The following XIRP1 variants were observed in gnomAD, a reference collection of about 807,000 sequenced individuals.
The protein encoded by XIRP1 is xin actin-binding repeat-containing protein 1.
For missense variants in XIRP1, 2,378 were observed against 2,345.4 expected (o/e 1.01, Z -0.29); for synonymous variants, 984 against 947.0 (o/e 1.04, Z -0.72).
Position 39,189,041 on chromosome 3 carries a change from A to C in XIRP1, c.405T>G (p.Phe135Leu). The change falls in exon 2 of 2, where the codon TTT becomes TTG. Residue 135 changes from phenylalanine (F) to leucine (L), a missense_variant. Phe to Leu is a conservative substitution (Grantham distance 22, BLOSUM62 0). Coordinates refer to ENST00000340369, the MANE Select transcript of XIRP1 (RefSeq NM_194293.4). ...TTGGCTCCTGGTCTGTGCTGTTGGC[A>C]AAGGAGCCTTCCTCAAACTTGCGGG... ...ATSRKFEEGS[F>L]ANSTDQEPTR... 6.2e-7 allele frequency: 1 copy of C among 1,614,106 alleles called. No individual in the cohort carries two copies. The highest frequency in any genetic ancestry group is 8.5e-7 in the Non-Finnish European group (1 of 1,180,036).
rs2039922547 is a variant in XIRP1 at position 39,184,381 on chromosome 3, T to C, written c.5065A>G (p.Lys1689Glu). The C allele has an allele frequency of 6.2e-7, 1 of 1,614,154 alleles. No individual in the cohort carries two copies. The highest frequency in any genetic ancestry group is 8.5e-7 in the Non-Finnish European group (1 of 1,180,018). The change falls in exon 2 of 2, where the codon AAG becomes GAG. Residue 1689 changes from lysine to glutamate, a missense_variant. Lys to Glu is a moderately conservative substitution (Grantham distance 56, BLOSUM62 1). Transcript: ENST00000340369. ...TTCACTGAGACATCAGGGTTGCCCTTAAAGCTGGGAGTCTCTAGAGGCTTC... is the reference window on the plus strand; with the variant it reads ...TTCACTGAGACATCAGGGTTGCCCTCAAAGCTGGGAGTCTCTAGAGGCTTC... ...TRKPLETPSF[K>E]GNPDVSVKST...
At position 39,187,740 on chromosome 3, in the gene XIRP1, T is replaced by C; in HGVS notation, c.1706A>G (p.Glu569Gly). Reference protein sequence around the residue: ...LEMIHQREQQERQKEEGKSQG... With the variant: ...LEMIHQREQQGRQKEEGKSQG... ...ACTCTTCCCTTCTTCTTTCTGTCGT[T>C]CCTGCTGCTCCCGTTGGTGGATCAT... The change falls in exon 2 of 2, where the codon GAA becomes GGA. Residue 569 changes from glutamate to glycine, a missense_variant. By Grantham distance (98) the Glu-to-Gly change is moderately conservative. Transcript: ENST00000340369. The C allele has an allele frequency of 6.2e-7, 1 of 1,614,094 alleles. No homozygotes were observed. Among genetic ancestry groups the C allele is most frequent in the Non-Finnish European group, 8.5e-7 (1 of 1,180,036 alleles).
At position 39,187,146 on chromosome 3, in the gene XIRP1, T is replaced by G; in HGVS notation, c.2300A>C (p.Gln767Pro). The G allele has an allele frequency of 6.2e-7, 1 of 1,611,142 alleles. No individual in the cohort carries two copies. The highest frequency in any genetic ancestry group is 8.5e-7 in the Non-Finnish European group (1 of 1,177,556). Residue 767 changes from glutamine to proline, a missense_variant, in exon 2 of 2, where the codon CAG becomes CCG. By Grantham distance (76) the Gln-to-Pro change is moderately conservative. Coordinates refer to ENST00000340369, the MANE Select transcript of XIRP1 (RefSeq NM_194293.4). ...SPSGNRMQES[Q>P]ETAAEGTLRT... ...CAGGGTCCCCTCAGCTGCAGTCTCC[T>G]GGCTCTCTTGCATCCTGTTGCCTGA... is the stretch of plus-strand genomic sequence containing the variant.
In XIRP1 at chr3:39,187,833, G is replaced by T. The variant is rs1051411814; in HGVS notation, c.1613C>A (p.Thr538Asn). Residue 538 changes from threonine to asparagine, a missense_variant, in exon 2 of 2, where the codon ACC becomes AAC. Transcript: ENST00000340369. ...GTCCCCAGCCACCACTTCCTGCCGG[G>T]TGATGCCCCGCACCACGTCGATGGT... ...PSTIDVVRGI[T>N]RQEVVAGDVG... 1 of 1,614,036 alleles carries T rather than the reference G, an allele frequency of 6.2e-7. No homozygotes were observed. The highest frequency in any genetic ancestry group is 1.7e-5 in the Admixed American group (1 of 60,012).
rs748378421 is a variant in XIRP1 at position 39,187,775 on chromosome 3, C to T, written c.1671G>A (p.Gln557=). 6 of 1,613,994 alleles carry T rather than the reference C, an allele frequency of 3.7e-6. No individual in the cohort carries two copies. The South Asian group carries it at 4.4e-5, about 12-fold the overall frequency. Residue 557 remains glutamine, a synonymous_variant, in exon 2 of 2, where the codon CAG becomes CAA. Coordinates refer to ENST00000340369, the MANE Select transcript of XIRP1 (RefSeq NM_194293.4). ...VGTARWLFET[Q]PLEMIHQREQ... is the part of the protein sequence containing the mutation. ...CCCGTTGGTGGATCATCTCCAGGGG[C>T]TGGGTCTCAAAAAGCCACCGAGCTG...
chr3:39,191,936 C>T (rs766913742), intron 1 of XIRP1, among the ~76,000 whole-genome samples: 1 of 152,318 alleles, frequency 6.6e-6, no homozygotes, highest in Non-Finnish European at 1.5e-5. Flanking sequence ...AGCTGGGCTC[C>T]GGCCAGCCCC....
At position 39,187,081 on chromosome 3, in the gene XIRP1, C is replaced by T. The variant is rs760243523; in HGVS notation, c.2365G>A (p.Gly789Ser). 5 of 1,613,520 alleles carry T rather than the reference C, an allele frequency of 3.1e-6. No individual in the cohort carries two copies. Among genetic ancestry groups the T allele is most frequent in the Non-Finnish European group, 3.4e-6 (4 of 1,179,508 alleles). ...GGCCCTCGGGCCTCCATGAGGATGC[C>T]TCCATGGTGCAGGATGCCAGGTGTG... ...HATPGILHHG[G>S]ILMEARGPGE... The change falls in exon 2 of 2, where the codon GGC (glycine) becomes AGC (serine). Residue 789 changes from glycine (G) to serine (S), a missense_variant. Physicochemically the swap from Gly to Ser is moderately conservative, Grantham distance 56. Coordinates refer to ENST00000340369, the MANE Select transcript of XIRP1 (RefSeq NM_194293.4).
At chr3:39,191,722 C>T (rs2040090648) in intron 1 of XIRP1, among the ~76,000 whole-genome samples, 1 of 151,304 alleles carries the variant, frequency 6.6e-6, no homozygotes, top group Non-Finnish European at 1.5e-5. Flanking sequence ...GGGCCAGCCT[C>T]TCAGGATGGT....
Position 39,187,819 on chromosome 3 carries a change from C to T in XIRP1, c.1627G>A (p.Val543Met). The T allele has an allele frequency of 6.2e-7, 1 of 1,614,184 alleles. No homozygotes were observed. Among genetic ancestry groups the T allele is most frequent in the Non-Finnish European group, 8.5e-7 (1 of 1,180,038 alleles). ...CGAGCTGTGCCAACGTCCCCAGCCA[C>T]CACTTCCTGCCGGGTGATGCCCCGC... ...VVRGITRQEV[V>M]AGDVGTARWL... is the part of the protein sequence containing the mutation. Residue 543 changes from valine (V) to methionine (M), a missense_variant, in exon 2 of 2, where the codon GTG becomes ATG. Physicochemically the swap from Val to Met is conservative, Grantham distance 21. Transcript: ENST00000340369.
rs764755807 is a variant in XIRP1, at chr3:39,187,297, C to G, written c.2149G>C (p.Ala717Pro). 2 of 1,588,216 alleles carry G rather than the reference C, an allele frequency of 1.3e-6. No individual in the cohort carries two copies. Among genetic ancestry groups the G allele is most frequent in the Non-Finnish European group, 1.7e-6 (2 of 1,166,386 alleles). ...KKEEQEPRVI[A>P]GSIPAGSVHK... is the part of the protein sequence containing the mutation. ...ACAGAACCCGCGGGGATGGACCCAG[C>G]GATTACCCGGGGCTCCTGTTCTTCC... Residue 717 changes from alanine (A) to proline (P), a missense_variant, in exon 2 of 2, where the codon GCT (alanine) becomes CCT (proline). Ala to Pro is a conservative substitution (Grantham distance 27, BLOSUM62 -1). Coordinates refer to ENST00000340369, the MANE Select transcript of XIRP1 (RefSeq NM_194293.4).
At position 39,188,304 on chromosome 3, in the gene XIRP1, G is replaced by A. The variant is rs1193495359; in HGVS notation, c.1142C>T (p.Thr381Ile). The A allele has an allele frequency of 3.7e-6, 6 of 1,614,080 alleles. No individual in the cohort carries two copies. Among genetic ancestry groups the A allele is most frequent in the East Asian group, 2.2e-5 (1 of 44,898 alleles). The change falls in exon 2 of 2, where the codon ACC becomes ATC. Residue 381 changes from threonine (T) to isoleucine (I), a missense_variant. By Grantham distance (89) the Thr-to-Ile change is moderately conservative. Coordinates refer to ENST00000340369, the MANE Select transcript of XIRP1 (RefSeq NM_194293.4). ...GGGCTTTGTTTCAAATAGCCACAGG[G>A]TGGAGCGGACATCACCAGGGACCAC... is the stretch of plus-strand genomic sequence containing the variant. The part of the protein sequence containing the change: ...EEVVPGDVRS[T>I]LWLFETKPLD...
In XIRP1 at chr3:39,188,258, C is replaced by A. The variant is rs1451650750; in HGVS notation, c.1188G>T (p.Lys396Asn). 2 of 1,614,206 alleles carry A rather than the reference C, an allele frequency of 1.2e-6. No individual in the cohort carries two copies. The highest frequency in any genetic ancestry group is 1.7e-6 in the Non-Finnish European group (2 of 1,180,048). ...ETKPLDAFRD[K>N]VQVGHLQRVD... ...CTCGCTGTAGGTGACCCACTTGGACCTTGTCTCTGAAAGCATCCAGGGGCT... is the reference window on the plus strand; with the variant it reads ...CTCGCTGTAGGTGACCCACTTGGACATTGTCTCTGAAAGCATCCAGGGGCT... Residue 396 changes from lysine to asparagine, a missense_variant, in exon 2 of 2, where the codon AAG (lysine) becomes AAT (asparagine). Lys to Asn is a moderately conservative substitution (Grantham distance 94). Coordinates refer to ENST00000340369, the MANE Select transcript of XIRP1 (RefSeq NM_194293.4).
Position 39,189,459 on chromosome 3 carries a change from A to C in XIRP1, c.-14T>G. ...GGTGTCGGCCATCCTTCTGAGAAGAAGGGGCAGAGATGAGGATGGGATTGG... is the reference window on the plus strand; with the variant it reads ...GGTGTCGGCCATCCTTCTGAGAAGACGGGGCAGAGATGAGGATGGGATTGG... On this transcript the variant is annotated 5_prime_UTR_variant, in exon 2 of 2. Coordinates refer to ENST00000340369, the MANE Select transcript of XIRP1 (RefSeq NM_194293.4). 6.4e-7 allele frequency: 1 copy of C among 1,567,078 alleles called. No homozygotes were observed. The highest frequency in any genetic ancestry group is 8.6e-7 in the Non-Finnish European group (1 of 1,156,576).
rs1017521611 is a variant in XIRP1, at chr3:39,186,547, T to C, written c.2899A>G (p.Thr967Ala). Residue 967 changes from threonine (T) to alanine (A), a missense_variant, in exon 2 of 2, where the codon ACT becomes GCT. By Grantham distance (58) the Thr-to-Ala change is moderately conservative (BLOSUM62 0). Transcript: ENST00000340369. Reference sequence around the variant, plus strand: ...GGGGGAACATGGATGATGCTCTCAGTTGGGTGCAGGCTCTGGGCCCCCTCG... The same window carrying C: ...GGGGGAACATGGATGATGCTCTCAGCTGGGTGCAGGCTCTGGGCCCCCTCG... ...ASEGAQSLHP[T>A]ESIIHVPPLD... 18 of 1,611,498 alleles carry C rather than the reference T, an allele frequency of 1.1e-5. No homozygotes were observed. Among genetic ancestry groups the C allele is most frequent in the Non-Finnish European group, 1.5e-5 (18 of 1,178,848 alleles).
chr3:39,185,574 A>AG lies in XIRP1; in HGVS notation c.3871dup (p.Leu1291ProfsTer39), dbSNP rs773303283. 3 of 1,584,770 alleles carry AG rather than the reference A, an allele frequency of 1.9e-6. No individual in the cohort carries two copies. The highest frequency in any genetic ancestry group is 2.6e-6 in the Non-Finnish European group (3 of 1,164,350). ...AGCAGGGCTGCTGTGGGAGTGAAGA[A>AG]GGGGGTCCTTCAGGGGCTCAGAGGC... On this transcript the variant is annotated frameshift_variant, in exon 2 of 2. Coordinates refer to ENST00000340369, the MANE Select transcript of XIRP1 (RefSeq NM_194293.4). LOFTEE classifies it low-confidence loss of function (END_TRUNC).
rs767206333 is a variant in XIRP1 at position 39,185,525 on chromosome 3, T to C, written c.3921A>G (p.Ser1307=). Residue 1307 remains serine (S), a synonymous_variant, in exon 2 of 2, where the codon TCA becomes TCG. Coordinates refer to ENST00000340369, the MANE Select transcript of XIRP1 (RefSeq NM_194293.4). The part of the protein sequence containing the change: ...SPAGQRTPGG[S]QTKTPKLDPT... ...GGTCCAGTTTTGGGGTCTTTGTCTGTGACCCTCCAGGGGTTCTCTGGCCAG... is the reference window on the plus strand; with the variant it reads ...GGTCCAGTTTTGGGGTCTTTGTCTGCGACCCTCCAGGGGTTCTCTGGCCAG... The C allele has an allele frequency of 6.4e-7, 1 of 1,558,674 alleles. No individual in the cohort carries two copies. The highest frequency in any genetic ancestry group is 8.7e-7 in the Non-Finnish European group (1 of 1,153,696).
chr3:39,187,770 A>G lies in XIRP1; in HGVS notation c.1676T>C (p.Leu559Pro). 1.2e-6 allele frequency: 2 copies of G among 1,614,034 alleles called. No individual in the cohort carries two copies. The highest frequency in any genetic ancestry group is 1.7e-6 in the Non-Finnish European group (2 of 1,180,016). The change falls in exon 2 of 2, where the codon CTG becomes CCG. Residue 559 changes from leucine to proline, a missense_variant. Leu to Pro is a moderately conservative substitution (Grantham distance 98). Transcript: ENST00000340369. ...CTGCTCCCGTTGGTGGATCATCTCC[A>G]GGGGCTGGGTCTCAAAAAGCCACCG... is the stretch of plus-strand genomic sequence containing the variant. ...TARWLFETQP[L>P]EMIHQREQQE...
chr3:39,190,892 T>C (rs1187276449), intron 1 of XIRP1, among the ~76,000 whole-genome samples: 1 of 152,164 alleles, frequency 6.6e-6, no homozygotes, highest in African/African-American at 2.4e-5. Flanking sequence ...GCCCAGCCAG[T>C]GGGGACCCTC....
chr3:39,184,589 A>G lies in XIRP1; in HGVS notation c.4857T>C (p.Thr1619=). The G allele has an allele frequency of 1.2e-6, 2 of 1,613,820 alleles. No homozygotes were observed. Among genetic ancestry groups the G allele is most frequent in the Non-Finnish European group, 1.7e-6 (2 of 1,179,886 alleles). ...VKNQAKVECH[T]EAQSQVKIRN... Reference sequence around the variant, plus strand: ...TGATCTTGACTTGACTCTGGGCCTCAGTGTGGCATTCAACCTTGGCTTGGT... The same window carrying G: ...TGATCTTGACTTGACTCTGGGCCTCGGTGTGGCATTCAACCTTGGCTTGGT... Residue 1619 remains threonine, a synonymous_variant, in exon 2 of 2, where the codon ACT becomes ACC. Transcript: ENST00000340369.
Sources: gnomAD v4.1 joint callset for allele counts (sites outside exome capture counted in the v4.1 genomes callset) on GRCh38, gnomAD v4.1.1 for gene constraint, MANE v1.5 for transcripts, NCBI Gene and HGNC (gene_info 2026-07-23, HGNC 2026-07-21) for gene names.